The following TNR variants were observed in gnomAD, a reference collection of about 807,000 sequenced individuals.
The protein encoded by TNR is tenascin-R.
In TNR, 45 loss-of-function variants were observed where a neutral mutation model predicts 150.4. That is an observed-to-expected ratio of 0.30 (90% confidence interval 0.24 to 0.38). TNR has a LOEUF of 0.38. Among genes scored for constraint, TNR ranks in the 10% least tolerant of loss-of-function variants. The pLI is 1.00. For synonymous variants in TNR, 687 were observed against 678.4 expected (o/e 1.01, Z -0.20); for missense variants, 1,544 against 1,759.1 (o/e 0.88, Z 2.19).
chr1:175,680,498 G>A (rs1054955892), intron 1 of TNR, among the ~76,000 whole-genome samples: 1 of 152,180 alleles, frequency 6.6e-6, no homozygotes, highest in African/African-American at 2.4e-5. Context: ...ACATAGAGAA[G>A]AGATGCTGGC....
chr1:175,668,306 C>T (rs1665590730), intron 1 of TNR, among the ~76,000 whole-genome samples: 1 of 152,114 alleles, frequency 6.6e-6, no homozygotes, highest in Non-Finnish European at 1.5e-5. Flanking sequence ...TTTGGTAGAC[C>T]TCAGTTTGAG....
At chr1:175,593,708 C>G (rs1662896916) in intron 1 of TNR, among the ~76,000 whole-genome samples, 1 of 152,180 alleles carries the variant, frequency 6.6e-6, no homozygotes, top group Non-Finnish European at 1.5e-5. Context: ...AGAGTCTTCA[C>G]CAGACTCTGT....
At chr1:175,330,524 C>T (rs887485058) in intron 20 of TNR, 4 of 272,826 alleles carry the variant, frequency 1.5e-5, no homozygotes, top group African/African-American at 6.5e-5. Context: ...CCTCAGGATT[C>T]CTGGCCCTGT....
At chr1:175,708,848 A>G (rs1451711363) in intron 1 of TNR, among the ~76,000 whole-genome samples, 1 of 152,166 alleles carries the variant, frequency 6.6e-6, no homozygotes, top group Non-Finnish European at 1.5e-5. Context: ...TCAATTGTTC[A>G]AGTTACTTAC....
chr1:175,588,034 AG>A (rs1160001509), intron 1 of TNR, among the ~76,000 whole-genome samples: 7 of 152,324 alleles, frequency 4.6e-5, no homozygotes, highest in Admixed American at 3.3e-4. Flanking sequence ...ATCATGTAAA[AG>A]GTTACTAAGT....
At chr1:175,551,732 T>C (rs1251030469) in intron 1 of TNR, among the ~76,000 whole-genome samples, 3 of 152,232 alleles carry the variant, frequency 2.0e-5, no homozygotes, top group Admixed American at 1.3e-4. Context: ...AGTGGAGAAA[T>C]GTGATCATTG....
intron 20 of TNR, among the ~76,000 whole-genome samples, chr1:175,331,038 T>TTTCTTTCTTTCTTTCCTTCCTTCCTTCC (rs1649760064): frequency 3.0e-5 from 2 of 66,922 alleles, no homozygotes; most frequent in African/African-American, 9.9e-5. Flanking sequence ...TCTTTCTTTC[T>TTTCTTTCTTTCTTTCCTTCCTTCCTTCC]TTCTTTCTTT....
intron 2 of TNR, among the ~76,000 whole-genome samples, chr1:175,512,958 C>A (rs863513): frequency 0.016 from 2,390 of 152,216 alleles, 71 homozygotes; most frequent in African/African-American, 0.054. Context: ...CTGAATGGAC[C>A]AAGGCATCAG....
chr1:175,620,367 G>A (rs1436347212), intron 1 of TNR, among the ~76,000 whole-genome samples: 1 of 152,186 alleles, frequency 6.6e-6, no homozygotes, highest in African/African-American at 2.4e-5. Flanking sequence ...AGAGAGAACT[G>A]GGTAGACGAA....
intron 1 of TNR, among the ~76,000 whole-genome samples, chr1:175,635,513 A>G (rs1664466361): frequency 6.6e-6 from 1 of 152,210 alleles, no homozygotes; most frequent in South Asian, 2.1e-4. Flanking sequence ...GCTTGGCAGG[A>G]GATACGAAGT....
intron 1 of TNR, among the ~76,000 whole-genome samples, chr1:175,557,605 T>C (rs1571604211): frequency 6.6e-6 from 1 of 151,792 alleles, no homozygotes; most frequent in East Asian, 1.9e-4. Context: ...TGGCAATCAT[T>C]AAAAAGTCAG....
intron 1 of TNR, among the ~76,000 whole-genome samples, chr1:175,701,250 A>G (rs1013812774): frequency 2.0e-5 from 3 of 151,878 alleles, no homozygotes; most frequent in African/African-American, 7.3e-5. Flanking sequence ...CCTGCCTCTC[A>G]TGATTCCTGT....
chr1:175,324,530 G>C lies in TNR; in HGVS notation c.3794-11C>G. 2.5e-6 allele frequency: 4 copies of C among 1,612,790 alleles called. No individual in the cohort carries two copies. The highest frequency in any genetic ancestry group is 3.4e-6 in the Non-Finnish European group (4 of 1,179,312). On this transcript the variant is annotated splice_polypyrimidine_tract_variant and intron_variant, in intron 21 of 22. Coordinates refer to ENST00000367674, the MANE Select transcript of TNR (RefSeq NM_003285.3). ...AGCTGAGGGAGTCCCCTGCAAAAAA[G>C]ATACATTCATTAGGCTGTCCCATTT...
intron 2 of TNR, among the ~76,000 whole-genome samples, chr1:175,500,955 G>A (rs993339832): frequency 2.6e-5 from 4 of 152,198 alleles, no homozygotes; most frequent in Non-Finnish European, 5.9e-5. Context: ...GTGGGTTAGA[G>A]AGGAGTCCAA....
At chr1:175,388,930 C>T (rs943175627) in intron 7 of TNR, among the ~76,000 whole-genome samples, 12 of 152,220 alleles carry the variant, frequency 7.9e-5, no homozygotes, top group Non-Finnish European at 1.8e-4. Context: ...ACTACCTTCT[C>T]CATGTTCTGT....
chr1:175,584,349 C>A (rs909064917), intron 1 of TNR, among the ~76,000 whole-genome samples: 2 of 152,132 alleles, frequency 1.3e-5, no homozygotes, highest in Non-Finnish European at 2.9e-5. Context: ...ACAAGAATTG[C>A]AGAGAAACAC....
At chr1:175,403,724 G>T in intron 3 of TNR, 108 bp from the exon 4 acceptor site, 1 of 890,832 alleles carries the variant, frequency 1.1e-6, no homozygotes, top group Non-Finnish European at 1.8e-6. Flanking sequence ...CCAGATTTCT[G>T]TTGCTGAGAG....
intron 1 of TNR, among the ~76,000 whole-genome samples, chr1:175,726,941 C>T (rs1667496943): frequency 6.6e-6 from 1 of 152,048 alleles, no homozygotes; most frequent in South Asian, 2.1e-4. Context: ...GAATGAGCCC[C>T]AATGTGGCAT....
chr1:175,651,557 A>G (rs993408867), intron 1 of TNR, among the ~76,000 whole-genome samples: 2 of 152,028 alleles, frequency 1.3e-5, no homozygotes, highest in Non-Finnish European at 1.5e-5. Flanking sequence ...AAAATATATT[A>G]TTATTACAGA....
Sources: gnomAD v4.1 joint callset for allele counts (sites outside exome capture counted in the v4.1 genomes callset) on GRCh38, gnomAD v4.1.1 for gene constraint, MANE v1.5 for transcripts, NCBI Gene and HGNC (gene_info 2026-07-23, HGNC 2026-07-21) for gene names.